Variants in ACSF2 observed in about 807,000 individuals in gnomAD.
The protein encoded by ACSF2 is acyl-CoA synthetase family member 2.
In ACSF2, 52 loss-of-function variants were observed where a neutral mutation model predicts 79.3. The observed-to-expected ratio is 0.66, with a 90% CI of 0.53 to 0.83. The LOEUF is 0.83. Among genes scored for constraint, ACSF2 ranks in the 40% least tolerant of loss-of-function variants. The probability of loss-of-function intolerance (pLI) is 0.00; values close to 1 mark genes in which losing one functional copy is unlikely to be tolerated. For synonymous variants in ACSF2, 283 were observed against 312.6 expected, an observed-to-expected ratio of 0.91 and a Z score of 1.00; for missense variants, 661 against 803.3, an observed-to-expected ratio of 0.82 and a Z score of 2.14.
chr17:50,454,930 G>C (rs1397909924), intron 1 of ACSF2, among the ~76,000 whole-genome samples: 3 of 152,122 alleles, frequency 2.0e-5, no homozygotes, highest in Non-Finnish European at 2.9e-5. Flanking sequence ...GAAAACCATG[G>C]TGAATAATGG....
chr17:50,470,313 A>G (rs2033050142), intron 10 of ACSF2: 2 of 151,982 alleles, frequency 1.3e-5, no homozygotes, highest in South Asian at 4.2e-4. Context: ...GGCCTAGACC[A>G]TTCCTTGATG....
intron 1 of ACSF2, among the ~76,000 whole-genome samples, chr17:50,438,477 A>T (rs895608745): frequency 8.5e-5 from 13 of 152,186 alleles, no homozygotes; most frequent in African/African-American, 3.1e-4. Context: ...GCAAATATTT[A>T]GCATTGCTGG....
chr17:50,445,649 T>A (rs986695317), intron 1 of ACSF2, among the ~76,000 whole-genome samples: 11 of 152,008 alleles, frequency 7.2e-5, no homozygotes, highest in Non-Finnish European at 1.2e-4. Flanking sequence ...AAATTTTTTT[T>A]AATTATCTAG....
chr17:50,460,594 C>T (rs2032268778), intron 1 of ACSF2, 83 bp from the exon 2 acceptor site: 1 of 1,296,396 alleles, frequency 7.7e-7, no homozygotes. Context: ...CAGCCTACCC[C>T]CTGGCTTGGC....
intron 1 of ACSF2, among the ~76,000 whole-genome samples, chr17:50,435,610 C>T (rs985734591): frequency 6.6e-6 from 1 of 151,900 alleles, no homozygotes; most frequent in Non-Finnish European, 1.5e-5. Context: ...ATGGATGGCA[C>T]TGTGTTGCCT....
chr17:50,453,448 T>A (rs1286503156), intron 1 of ACSF2, among the ~76,000 whole-genome samples: 1 of 151,988 alleles, frequency 6.6e-6, no homozygotes, highest in Non-Finnish European at 1.5e-5. Context: ...CCTCAGATGA[T>A]CCACCCACCT....
chr17:50,442,148 T>TA (rs2030968842), intron 1 of ACSF2, among the ~76,000 whole-genome samples: 1 of 151,892 alleles, frequency 6.6e-6, no homozygotes, highest in African/African-American at 2.4e-5. Flanking sequence ...CTACTAAAAT[T>TA]ACAAAAATTA....
intron 1 of ACSF2, among the ~76,000 whole-genome samples, chr17:50,441,816 CTTTATTTA>C (rs554743595): frequency 5.3e-5 from 8 of 151,822 alleles, no homozygotes; most frequent in African/African-American, 7.3e-5. Flanking sequence ...AATGTTGTGT[CTTTATTTA>C]TTTATTTATT....
At chr17:50,455,351 TCTC>T (rs2031929468) in intron 1 of ACSF2, among the ~76,000 whole-genome samples, 1 of 152,060 alleles carries the variant, frequency 6.6e-6, no homozygotes, top group Admixed American at 6.6e-5. Flanking sequence ...TAATTTGAAT[TCTC>T]CTGAGAACAA....
At position 50,463,959 on chromosome 17, in the gene ACSF2, C is replaced by G. The variant is rs760961595; in HGVS notation, c.1138+50C>G. On this transcript the variant is annotated intron_variant, in intron 9 of 15. Coordinates refer to ENST00000300441, the MANE Select transcript of ACSF2 (RefSeq NM_025149.6). The surrounding 1 kb of genome is among the most constrained non-coding windows in gnomAD (Gnocchi z 4.6). ...GGCTTGGGGAGGGGGCTGCTTCCCCCACAGGAATGGCCCGGGTGAGTTAGC... is the reference window on the plus strand; with the variant it reads ...GGCTTGGGGAGGGGGCTGCTTCCCCGACAGGAATGGCCCGGGTGAGTTAGC... 6 of 1,569,848 alleles carry G rather than the reference C, an allele frequency of 3.8e-6. No individual in the cohort carries two copies. The highest frequency in any genetic ancestry group is 1.7e-5 in the Admixed American group (1 of 59,686).
At chr17:50,465,815 T>G (rs906018310) in intron 10 of ACSF2, 12 of 1,613,740 alleles carry the variant, frequency 7.4e-6, no homozygotes, top group Non-Finnish European at 1.0e-5. Flanking sequence ...CAAGCGGTTG[T>G]TCTCCAAATG....
At chr17:50,445,836 C>T (rs1345522099) in intron 1 of ACSF2, among the ~76,000 whole-genome samples, 1 of 152,068 alleles carries the variant, frequency 6.6e-6, no homozygotes, top group Admixed American at 6.6e-5. Flanking sequence ...TAAAGCTGCC[C>T]TCTGGATCTT....
At chr17:50,460,550 G>C in intron 1 of ACSF2, 127 bp from the exon 2 acceptor site, 3 of 809,758 alleles carry the variant, frequency 3.7e-6, no homozygotes, top group Non-Finnish European at 5.8e-6. Flanking sequence ...AAGAAGATCT[G>C]GAGGAAACCT....
rs755437990 is a variant in ACSF2 at position 50,463,459 on chromosome 17, G to A, written c.953G>A (p.Gly318Asp). Residue 318 changes from glycine (G) to aspartate (D), a missense_variant, in exon 8 of 16, where the codon GGC becomes GAC. Coordinates refer to ENST00000300441, the MANE Select transcript of ACSF2 (RefSeq NM_025149.6). The surrounding 1 kb of genome is among the most constrained non-coding windows in gnomAD (Gnocchi z 4.6). Reference protein sequence around the residue: ...PLYHCLGSVAGTMMCLMYGAT... With the variant: ...PLYHCLGSVADTMMCLMYGAT... ...TACCATTGCCTGGGTTCCGTGGCAG[G>A]CACAATGATGTGTCTGATGTACGGT... The A allele has an allele frequency of 1.2e-6, 2 of 1,614,022 alleles. No homozygotes were observed. The highest frequency in any genetic ancestry group is 2.2e-5 in the East Asian group (1 of 44,900).
chr17:50,440,353 C>T (rs2143552976), intron 1 of ACSF2, among the ~76,000 whole-genome samples: 1 of 152,308 alleles, frequency 6.6e-6, no homozygotes, highest in Middle Eastern at 3.4e-3. Context: ...AGAGGCCTTG[C>T]CCAGGGCCTG....
chr17:50,457,608 A>C (rs936673190), intron 1 of ACSF2, among the ~76,000 whole-genome samples: 13 of 152,102 alleles, frequency 8.5e-5, no homozygotes, highest in African/African-American at 3.1e-4. Flanking sequence ...CTTCTGTCCC[A>C]TGTACCCCTA....
At chr17:50,466,409 T>C (rs942380903) in intron 10 of ACSF2, among the ~76,000 whole-genome samples, 1 of 152,192 alleles carries the variant, frequency 6.6e-6, no homozygotes, top group Admixed American at 6.5e-5. Flanking sequence ...ATTTTCAATA[T>C]GCAAATGGGG....
intron 1 of ACSF2, among the ~76,000 whole-genome samples, chr17:50,429,870 C>G (rs1915365405): frequency 6.6e-6 from 1 of 152,220 alleles, no homozygotes; most frequent in Admixed American, 6.5e-5. Flanking sequence ...CTCTCCAGAA[C>G]TCCTCACGAC....
chr17:50,426,266 C>G lies in ACSF2; in HGVS notation c.5C>G (p.Ala2Gly), dbSNP rs1363084328. The G allele has an allele frequency of 4.3e-6, 6 of 1,381,588 alleles. No individual in the cohort carries two copies. The highest frequency in any genetic ancestry group is 4.7e-6 in the Non-Finnish European group (5 of 1,060,596). The allele number at this position is 1,381,588 out of a possible 1,614,324, so 85.6% of individuals were successfully genotyped here. A position where few individuals can be genotyped will look rare whatever the true frequency, so the allele number is the denominator to read the frequency against. Residue 2 changes from alanine to glycine, a missense_variant, in exon 1 of 16, where the codon GCT becomes GGT. Coordinates refer to ENST00000300441, the MANE Select transcript of ACSF2 (RefSeq NM_025149.6). ...GGACGCAGGGCAAAGCGAGCCATGG[C>G]TGTCTACGTCGGGATGCTGCGCCTG... M[A>G]VYVGMLRLGR...
Sources: gnomAD v4.1 joint callset for allele counts (sites outside exome capture counted in the v4.1 genomes callset) on GRCh38, gnomAD v4.1.1 for gene constraint, Gnocchi (gnomAD v3.1) non-coding constraint, MANE v1.5 for transcripts, NCBI Gene and HGNC (gene_info 2026-07-23, HGNC 2026-07-21) for gene names.